The following SORCS1 variants were observed in gnomAD, a reference collection of about 807,000 sequenced individuals.
SORCS1 encodes the protein sortilin related VPS10 domain containing receptor 1, also known as VPS10 domain-containing receptor SorCS1.
Under a neutral mutation model 146.1 loss-of-function variants are expected in SORCS1, and 60 were observed. The observed-to-expected ratio is 0.41, with a 90% CI of 0.33 to 0.51. The LOEUF is 0.51. Ranked by LOEUF, SORCS1 falls within the 20% of genes least tolerant of loss-of-function variation. The pLI is 0.21. For missense variants in SORCS1, 1,352 were observed against 1,487.6 expected (o/e 0.91, Z 1.50); for synonymous variants, 637 against 584.0 (o/e 1.09, Z -1.31).
chr10:106,649,208 T>G (rs1402171910), intron 18 of SORCS1, among the ~76,000 whole-genome samples: 3 of 152,144 alleles, frequency 2.0e-5, no homozygotes, highest in Admixed American at 6.5e-5. Context: ...CTAATTGAGC[T>G]GGTTAAGACA....
intron 17 of SORCS1, among the ~76,000 whole-genome samples, chr10:106,656,317 G>A (rs914733437): frequency 3.3e-5 from 5 of 152,160 alleles, no homozygotes; most frequent in South Asian, 2.1e-4. Flanking sequence ...TTGGGAGGCC[G>A]AGGTGAGCAG....
intron 1 of SORCS1, among the ~76,000 whole-genome samples, chr10:107,149,675 T>C (rs1369924394): frequency 1.3e-5 from 2 of 152,206 alleles, no homozygotes; most frequent in Non-Finnish European, 2.9e-5. Flanking sequence ...GAGCAATTTA[T>C]CTCTGAGAAA....
chr10:106,709,518 G>A (rs1422478742), intron 6 of SORCS1, among the ~76,000 whole-genome samples, 177 bp from the exon 7 acceptor site: 1 of 148,310 alleles, frequency 6.7e-6, no homozygotes, highest in African/African-American at 2.5e-5. Context: ...GTGCGATCTC[G>A]GCTCACTGCA....
intron 3 of SORCS1, among the ~76,000 whole-genome samples, chr10:106,796,869 G>C (rs936566658): frequency 1.3e-5 from 2 of 152,190 alleles, no homozygotes; most frequent in African/African-American, 4.8e-5. Context: ...CAGCACTTTG[G>C]GAGGCCAAGG....
chr10:106,889,186 C>G lies in SORCS1; in HGVS notation c.627-59513G>C, dbSNP rs138239847. ...GCATCCTCTTCTCTGGTTCCCCAGG[C>G]AGCCAAAAGCTTGGCAGAAAGCTCA... On this transcript the variant is annotated intron_variant, in intron 2 of 25. Transcript: ENST00000263054. Among the ~76,000 whole-genome samples, 83 of 152,286 alleles carry G rather than the reference C, an allele frequency of 5.5e-4. 1 individual carries two copies. The highest frequency in any genetic ancestry group is 1.9e-3 in the African/African-American group (81 of 41,556).
chr10:106,623,229 C>T (rs1847865542), intron 19 of SORCS1, among the ~76,000 whole-genome samples: 1 of 150,922 alleles, frequency 6.6e-6, no homozygotes, highest in Non-Finnish European at 1.5e-5. Context: ...TTCATTTTGT[C>T]TCTCATATGT....
intron 1 of SORCS1, among the ~76,000 whole-genome samples, chr10:107,084,187 C>T (rs1396856664): frequency 6.9e-6 from 1 of 145,386 alleles, no homozygotes; most frequent in African/African-American, 2.6e-5. Flanking sequence ...GCTCTGCCTC[C>T]TGGGTTCACG....
At chr10:106,890,971 G>C (rs577288863) in intron 2 of SORCS1, among the ~76,000 whole-genome samples, 2 of 152,160 alleles carry the variant, frequency 1.3e-5, no homozygotes, top group South Asian at 4.1e-4. Context: ...CAAACAACAT[G>C]TGTTCCTGAT....
intron 3 of SORCS1, among the ~76,000 whole-genome samples, chr10:106,801,708 T>G (rs1294727471): frequency 6.6e-6 from 1 of 151,966 alleles, no homozygotes; most frequent in Non-Finnish European, 1.5e-5. Context: ...TTTTTTGTAT[T>G]TTTACTAGAG....
At chr10:107,003,045 CAGG>C (rs1293270732) in intron 1 of SORCS1, among the ~76,000 whole-genome samples, 1 of 152,086 alleles carries the variant, frequency 6.6e-6, no homozygotes, top group Admixed American at 6.5e-5. Flanking sequence ...CACCTGCGGT[CAGG>C]AGGTCGAGAC....
At chr10:106,717,154 A>G (rs924578794) in intron 6 of SORCS1, among the ~76,000 whole-genome samples, 5 of 152,250 alleles carry the variant, frequency 3.3e-5, no homozygotes, top group Non-Finnish European at 4.4e-5. Context: ...AACAATTTAA[A>G]TCAGCAATTT....
At chr10:107,012,518 T>C (rs528236787) in intron 1 of SORCS1, among the ~76,000 whole-genome samples, 5 of 152,264 alleles carry the variant, frequency 3.3e-5, no homozygotes, top group African/African-American at 1.2e-4. Context: ...ATTTTCACCA[T>C]AGCTATGAGA....
In SORCS1 at chr10:106,675,091, T is replaced by A; in HGVS notation, c.1898A>T (p.Asp633Val). The A allele has an allele frequency of 6.2e-7, 1 of 1,613,692 alleles. No homozygotes were observed. Among genetic ancestry groups the A allele is most frequent in the East Asian group, 2.2e-5 (1 of 44,834 alleles). The change falls in exon 14 of 26, where the codon GAT (aspartate) becomes GTT (valine). Residue 633 changes from aspartate to valine, a missense_variant. Asp to Val is a radical substitution (Grantham distance 152). This residue lies in a region of SORCS1 where 648 missense variants were observed against 793.8 expected (regional missense o/e 0.82). Transcript: ENST00000263054. Reference sequence around the variant, plus strand: ...TTCTCCAGGCTCACCCAGAACCCCATCCACAAAAAGTGGAATAGATGTGAA... The same window carrying A: ...TTCTCCAGGCTCACCCAGAACCCCAACCACAAAAAGTGGAATAGATGTGAA... ...YSFTSIPLFVDGVLGEPGEET... is the reference protein window; with the variant it reads ...YSFTSIPLFVVGVLGEPGEET...
chr10:106,642,767 G>A (rs1849158005), intron 18 of SORCS1, among the ~76,000 whole-genome samples: 1 of 152,084 alleles, frequency 6.6e-6, no homozygotes, highest in Non-Finnish European at 1.5e-5. Context: ...ATTCAACAAA[G>A]GCATCATTTT....
At chr10:107,097,986 T>A (rs919511393) in intron 1 of SORCS1, among the ~76,000 whole-genome samples, 1 of 152,222 alleles carries the variant, frequency 6.6e-6, no homozygotes, top group Non-Finnish European at 1.5e-5. Context: ...GGGTGATCGA[T>A]GAATATCTGG....
intron 2 of SORCS1, among the ~76,000 whole-genome samples, chr10:106,835,173 C>T (rs933513794): frequency 2.0e-5 from 3 of 152,128 alleles, no homozygotes; most frequent in East Asian, 1.9e-4. Context: ...TCTCCTATCA[C>T]GCTTGAAAAA....
intron 1 of SORCS1, among the ~76,000 whole-genome samples, chr10:107,091,138 C>T (rs1454526014): frequency 1.3e-5 from 2 of 152,216 alleles, no homozygotes; most frequent in African/African-American, 4.8e-5. Flanking sequence ...GCATCCTTTA[C>T]CACATTTTGT....
intron 1 of SORCS1, among the ~76,000 whole-genome samples, chr10:107,058,910 G>A (rs563331013): frequency 2.1e-4 from 32 of 152,170 alleles, no homozygotes; most frequent in South Asian, 6.2e-4. Context: ...ATGGCAATAA[G>A]GTAAACACAA....
At chr10:106,608,923 C>T (rs1051836772) in intron 22 of SORCS1, among the ~76,000 whole-genome samples, 1 of 152,186 alleles carries the variant, frequency 6.6e-6, no homozygotes, top group Non-Finnish European at 1.5e-5. Flanking sequence ...CATAACTGCA[C>T]CAGCCTGTCA....
Sources: allele counts gnomAD v4.1 joint callset (sites outside exome capture counted in the v4.1 genomes callset), GRCh38; gene constraint gnomAD v4.1.1; regional missense constraint gnomAD v4.1.1; transcripts MANE v1.5; gene names NCBI Gene and HGNC (gene_info 2026-07-23, HGNC 2026-07-21).